Variants in PREP observed in about 807,000 individuals in gnomAD.
The protein encoded by PREP is dJ355L5.1 (prolyl endopeptidase).
A neutral mutation model predicts 87.6 loss-of-function variants in PREP; 29 were observed. The ratio of observed to expected loss-of-function variants is 0.33; its 90% CI spans 0.25 to 0.45. PREP has a LOEUF of 0.45. PREP is among the 20% of genes least tolerant of loss of function. The pLI is 1.00. For missense variants in PREP, 695 were observed against 886.5 expected (o/e 0.78, Z 2.74); for synonymous variants, 337 against 328.6 (o/e 1.03, Z -0.28).
intron 7 of PREP, among the ~76,000 whole-genome samples, chr6:105,337,083 G>A (rs1469042648): frequency 6.6e-6 from 1 of 151,918 alleles, no homozygotes; most frequent in Non-Finnish European, 1.5e-5. Context: ...TTGTTTAAAA[G>A]AAGCATCACA....
intron 2 of PREP, among the ~76,000 whole-genome samples, chr6:105,378,515 G>A (rs12111469): frequency 2.6e-5 from 4 of 152,106 alleles, no homozygotes; most frequent in Non-Finnish European, 5.9e-5. Flanking sequence ...AAGAATATCA[G>A]CAACATGGTT....
At chr6:105,353,900 G>T (rs1333149689) in intron 6 of PREP, among the ~76,000 whole-genome samples, 1 of 151,906 alleles carries the variant, frequency 6.6e-6, no homozygotes, top group African/African-American at 2.4e-5. Flanking sequence ...CCCTTCTACT[G>T]CAAGATCTCA....
chr6:105,290,946 T>C (rs886955994), intron 10 of PREP, among the ~76,000 whole-genome samples: 1 of 152,218 alleles, frequency 6.6e-6, no homozygotes, highest in African/African-American at 2.4e-5. Context: ...CATACAGGCA[T>C]ACCTCGGAGA....
At chr6:105,339,477 C>T (rs1771576130) in intron 7 of PREP, among the ~76,000 whole-genome samples, 1 of 152,200 alleles carries the variant, frequency 6.6e-6, no homozygotes. Flanking sequence ...AGCTCCTCTT[C>T]TCCTCCAAAG....
At chr6:105,388,926 C>T (rs561148866) in intron 2 of PREP, among the ~76,000 whole-genome samples, 1 of 152,180 alleles carries the variant, frequency 6.6e-6, no homozygotes, top group Non-Finnish European at 1.5e-5. Flanking sequence ...AATCTTTGGC[C>T]TAGTTTCATC....
At chr6:105,314,496 GTTCACAGCATCTCCAGCAGGAAT>G (rs1770820599) in intron 10 of PREP, among the ~76,000 whole-genome samples, 1 of 152,198 alleles carries the variant, frequency 6.6e-6, no homozygotes, top group East Asian at 1.9e-4. Flanking sequence ...TTTCAACAAT[GTTCACAGCATCTCCAGCAGGAAT>G]AGATTCCATC....
At chr6:105,342,506 C>G (rs1048849614) in intron 7 of PREP, among the ~76,000 whole-genome samples, 1 of 152,304 alleles carries the variant, frequency 6.6e-6, no homozygotes, top group South Asian at 2.1e-4. Flanking sequence ...CACTACTATT[C>G]AACATAGTGT....
chr6:105,285,063 T>C (rs1770162492), intron 12 of PREP, among the ~76,000 whole-genome samples: 1 of 152,216 alleles, frequency 6.6e-6, no homozygotes, highest in African/African-American at 2.4e-5. Flanking sequence ...AGATTGCTCC[T>C]TTCTCTTAAG....
chr6:105,337,620 T>C (rs1286576046), intron 7 of PREP, among the ~76,000 whole-genome samples: 2 of 152,310 alleles, frequency 1.3e-5, no homozygotes, highest in South Asian at 4.1e-4. Flanking sequence ...CTATCCCCCT[T>C]TTCCTCTTTC....
At position 105,329,045 on chromosome 6, in the gene PREP, A is replaced by C; in HGVS notation, c.1016-19T>G. ...ATCCATTCTGAAAGGATAAGAAGAG[A>C]AAAAACCTAATGCAATTTAAAAAAT... On this transcript the variant is annotated intron_variant, in intron 8 of 14. Transcript: ENST00000652536. 1.3e-6 allele frequency: 2 copies of C among 1,599,040 alleles called. No homozygotes were observed. Among genetic ancestry groups the C allele is most frequent in the Non-Finnish European group, 1.7e-6 (2 of 1,166,740 alleles).
At chr6:105,397,041 C>T (rs772086841) in intron 2 of PREP, among the ~76,000 whole-genome samples, 9 of 151,968 alleles carry the variant, frequency 5.9e-5, no homozygotes, top group South Asian at 2.1e-4. Context: ...AAAAACTAGC[C>T]GGGTGTGGTG....
chr6:105,330,248 C>G (rs967987457), intron 8 of PREP, among the ~76,000 whole-genome samples: 1 of 152,130 alleles, frequency 6.6e-6, no homozygotes, highest in African/African-American at 2.4e-5. Flanking sequence ...TGTCTAACAG[C>G]TGAATGCAGA....
intron 10 of PREP, among the ~76,000 whole-genome samples, chr6:105,307,647 C>G (rs1770681500): frequency 6.6e-6 from 1 of 152,096 alleles, no homozygotes; most frequent in Non-Finnish European, 1.5e-5. Flanking sequence ...GAGTCTTGCT[C>G]TGTTGCCCAG....
chr6:105,393,532 C>T (rs1390314164), intron 2 of PREP, among the ~76,000 whole-genome samples: 2 of 152,026 alleles, frequency 1.3e-5, no homozygotes. Flanking sequence ...AAATCTAACG[C>T]TGATATGAAA....
In PREP at chr6:105,376,179, T is replaced by C; in HGVS notation, c.331A>G (p.Arg111Gly). The C allele has an allele frequency of 6.2e-7, 1 of 1,613,998 alleles. No homozygotes were observed. The highest frequency in any genetic ancestry group is 1.1e-5 in the South Asian group (1 of 91,064). The change falls in exon 4 of 15, where the codon AGA becomes GGA. Residue 111 changes from arginine (R) to glycine (G), a missense_variant. Physicochemically the swap from Arg to Gly is moderately radical, Grantham distance 125. Transcript: ENST00000652536. ...AGTATGTTGGGGTCCAGGAACACTCTGGCCTCACCCTCTAAGGAATCCTGT... is the reference window on the plus strand; with the variant it reads ...AGTATGTTGGGGTCCAGGAACACTCCGGCCTCACCCTCTAAGGAATCCTGT... ...YVQDSLEGEA[R>G]VFLDPNILSD...
chr6:105,346,078 C>T (rs6899928), intron 7 of PREP, among the ~76,000 whole-genome samples: 2,701 of 152,016 alleles, frequency 0.018, 97 homozygotes, highest in African/African-American at 0.061. Context: ...AATTCTTTTT[C>T]GTTTTTCTGC....
chr6:105,331,381 G>T (rs1002420223), intron 8 of PREP, among the ~76,000 whole-genome samples: 3 of 152,138 alleles, frequency 2.0e-5, no homozygotes, highest in African/African-American at 7.2e-5. Flanking sequence ...TCACCTTAAG[G>T]CATAGTTAAA....
Position 105,278,228 on chromosome 6 carries a change from C to G in PREP, c.2049G>C (p.Gly683=). The part of the protein sequence containing the change: ...HVDTKAGHGA[G]KPTAKVIEEV... Reference sequence around the variant, plus strand: ...CCTCTATCACTTTGGCTGTGGGCTTCCCCGCCCCGTGGCCCGCCTTGGTGT... The same window carrying G: ...CCTCTATCACTTTGGCTGTGGGCTTGCCCGCCCCGTGGCCCGCCTTGGTGT... The change falls in exon 15 of 15, where the codon GGG becomes GGC. Residue 683 remains glycine (G), a synonymous_variant. Transcript: ENST00000652536. This position sits in a 1 kb window ranked among gnomAD's most constrained non-coding sequence, Gnocchi z 4.2. 1 of 1,614,234 alleles carries G rather than the reference C, an allele frequency of 6.2e-7. No individual in the cohort carries two copies. The highest frequency in any genetic ancestry group is 8.5e-7 in the Non-Finnish European group (1 of 1,180,048).
intron 10 of PREP, among the ~76,000 whole-genome samples, chr6:105,316,594 A>T (rs1004677360): frequency 6.6e-6 from 1 of 152,258 alleles, no homozygotes; most frequent in African/African-American, 2.4e-5. Context: ...AGGAATCTGC[A>T]AAGTACAATA....
Sources: gnomAD v4.1 joint callset for allele counts (sites outside exome capture counted in the v4.1 genomes callset) on GRCh38, gnomAD v4.1.1 for gene constraint, Gnocchi (gnomAD v3.1) non-coding constraint, MANE v1.5 for transcripts, NCBI Gene and HGNC (gene_info 2026-07-23, HGNC 2026-07-21) for gene names.